The following SLC35F3 variants were observed in gnomAD, a reference collection of about 807,000 sequenced individuals.
The protein encoded by SLC35F3 is putative thiamine transporter SLC35F3.
In SLC35F3, 25 loss-of-function variants were observed where a neutral mutation model predicts 49.9. The observed-to-expected ratio is 0.50, with a 90% CI of 0.37 to 0.70. The LOEUF is 0.70. Among genes scored for constraint, SLC35F3 ranks in the 30% least tolerant of loss-of-function variants. The pLI is 0.00. For synonymous variants in SLC35F3, 275 were observed against 265.4 expected (o/e 1.04, Z -0.35); for missense variants, 525 against 639.8 (o/e 0.82, Z 1.94).
At chr1:234,156,789 A>C (rs1283770822) in intron 2 of SLC35F3, among the ~76,000 whole-genome samples, 10 of 152,212 alleles carry the variant, frequency 6.6e-5, no homozygotes, top group Admixed American at 5.9e-4. Flanking sequence ...ATAAAAAGAA[A>C]TGAAGTACCG....
chr1:234,123,842 G>A (rs375894776), intron 2 of SLC35F3, among the ~76,000 whole-genome samples: 1 of 152,168 alleles, frequency 6.6e-6, no homozygotes, highest in African/African-American at 2.4e-5. Context: ...CTGCAGCTCT[G>A]GGGACAAAGG....
rs888056126 is a variant in SLC35F3 at position 234,073,323 on chromosome 1, T to A, written c.284-158094T>A. On this transcript the variant is annotated intron_variant, in intron 2 of 7. Coordinates refer to ENST00000366618, the MANE Select transcript of SLC35F3 (RefSeq NM_173508.4). ...CAAGTCTGGCTAATTTAAAAAAAAA[T>A]TTTGTAGAGATGGGATCGCACTGTG... Among the ~76,000 whole-genome samples the A allele has an allele frequency of 1.2e-4, 18 of 151,874 alleles. No homozygotes were observed. In the East Asian group the frequency reaches 1.4e-3, roughly 11 times the overall value.
intron 2 of SLC35F3, among the ~76,000 whole-genome samples, chr1:234,163,265 C>T (rs1220054431): frequency 6.6e-6 from 1 of 152,212 alleles, no homozygotes; most frequent in Non-Finnish European, 1.5e-5. Flanking sequence ...TTAGTACCTT[C>T]CTTCTCTCGT....
At chr1:234,098,724 AG>A (rs1378294096) in intron 2 of SLC35F3, among the ~76,000 whole-genome samples, 2 of 92,076 alleles carry the variant, frequency 2.2e-5, no homozygotes, top group Non-Finnish European at 4.5e-5. Context: ...TTCAGATGGC[AG>A]TGGTAGTGAT....
intron 2 of SLC35F3, among the ~76,000 whole-genome samples, chr1:234,159,198 C>T (rs143941535): frequency 2.0e-5 from 3 of 152,216 alleles, no homozygotes; most frequent in African/African-American, 4.8e-5. Context: ...CCTAAACCCA[C>T]GCATGCCATT....
intron 5 of SLC35F3, among the ~76,000 whole-genome samples, chr1:234,317,930 G>A (rs1657529349): frequency 6.6e-6 from 1 of 152,224 alleles, no homozygotes; most frequent in Non-Finnish European, 1.5e-5. Context: ...CCTGCAACTT[G>A]TCCATGGGGA....
At chr1:234,193,390 C>G (rs1191793118) in intron 2 of SLC35F3, among the ~76,000 whole-genome samples, 1 of 152,048 alleles carries the variant, frequency 6.6e-6, no homozygotes, top group Non-Finnish European at 1.5e-5. Context: ...TGGCAAGCTG[C>G]ATATAGGAGG....
intron 2 of SLC35F3, among the ~76,000 whole-genome samples, chr1:234,184,488 T>C (rs1666605141): frequency 6.6e-6 from 1 of 152,222 alleles, no homozygotes; most frequent in Non-Finnish European, 1.5e-5. Flanking sequence ...GCTTATTTAA[T>C]GGGCAGGAAA....
At chr1:233,959,545 A>G (rs967453323) in intron 2 of SLC35F3, among the ~76,000 whole-genome samples, 3 of 152,224 alleles carry the variant, frequency 2.0e-5, no homozygotes, top group Non-Finnish European at 4.4e-5. Flanking sequence ...CACACCAGGA[A>G]ACTAATGGAA....
intron 2 of SLC35F3, among the ~76,000 whole-genome samples, chr1:234,037,375 G>C (rs1408386748): frequency 6.6e-6 from 1 of 152,136 alleles, no homozygotes; most frequent in Non-Finnish European, 1.5e-5. Context: ...CTATTCATGA[G>C]GGATCTGCCC....
intron 3 of SLC35F3, among the ~76,000 whole-genome samples, chr1:234,277,401 C>T (rs12049145): frequency 0.06 from 9,194 of 152,242 alleles, 331 homozygotes; most frequent in African/African-American, 0.099. Flanking sequence ...ACCAAACAGC[C>T]GTGTGCTATA....
At chr1:233,999,288 G>A (rs1283977075) in intron 2 of SLC35F3, among the ~76,000 whole-genome samples, 5 of 152,118 alleles carry the variant, frequency 3.3e-5, no homozygotes, top group South Asian at 4.1e-4. Flanking sequence ...GATCATTCAC[G>A]GCAGAGCTTC....
chr1:234,175,683 G>T (rs993985103), intron 2 of SLC35F3, among the ~76,000 whole-genome samples: 2 of 116,072 alleles, frequency 1.7e-5, no homozygotes, highest in African/African-American at 5.3e-5. Context: ...AAAAAAAAAA[G>T]GAAGAGAGTC....
intron 2 of SLC35F3, among the ~76,000 whole-genome samples, chr1:234,199,227 C>T (rs544540591): frequency 9.3e-5 from 14 of 150,946 alleles, no homozygotes; most frequent in Non-Finnish European, 1.6e-4. Flanking sequence ...GACCCTGTCT[C>T]GAAAAAAAGA....
chr1:234,296,772 G>C (rs762295606), intron 3 of SLC35F3, among the ~76,000 whole-genome samples: 1 of 152,196 alleles, frequency 6.6e-6, no homozygotes, highest in Non-Finnish European at 1.5e-5. Context: ...CTGTGGAGGA[G>C]GCTGTAAAAC....
chr1:234,316,595 T>C lies in SLC35F3; in HGVS notation c.829-7T>C. On this transcript the variant is annotated splice_polypyrimidine_tract_variant and splice_region_variant and intron_variant, in intron 4 of 7. Transcript: ENST00000366618. ...TCCCTGACCAGCATTTTCTTCCGTCTGTCCAGATTGTGGCCGCCATCCTCG... is the reference window on the plus strand; with the variant it reads ...TCCCTGACCAGCATTTTCTTCCGTCCGTCCAGATTGTGGCCGCCATCCTCG... 6.2e-7 allele frequency: 1 copy of C among 1,602,410 alleles called. No homozygotes were observed. Among genetic ancestry groups the C allele is most frequent in the Non-Finnish European group, 8.5e-7 (1 of 1,170,462 alleles).
At chr1:234,209,434 G>C (rs750951024) in intron 2 of SLC35F3, among the ~76,000 whole-genome samples, 100 of 152,172 alleles carry the variant, frequency 6.6e-4, no homozygotes, top group Non-Finnish European at 1.2e-3. Flanking sequence ...TTATACACCA[G>C]TACACCATTA....
chr1:233,954,444 G>C (rs918393785), intron 2 of SLC35F3, among the ~76,000 whole-genome samples: 1 of 152,170 alleles, frequency 6.6e-6, no homozygotes, highest in Non-Finnish European at 1.5e-5. Flanking sequence ...TAAGGAGGAG[G>C]TGTTACAAGG....
intron 2 of SLC35F3, among the ~76,000 whole-genome samples, chr1:234,229,482 G>A (rs1667335042): frequency 6.6e-6 from 1 of 152,166 alleles, no homozygotes; most frequent in Admixed American, 6.5e-5. Context: ...CATTGTAAAA[G>A]CTATGCAGCA....
Sources: gnomAD v4.1 joint callset for allele counts (sites outside exome capture counted in the v4.1 genomes callset) on GRCh38, gnomAD v4.1.1 for gene constraint, MANE v1.5 for transcripts, NCBI Gene and HGNC (gene_info 2026-07-23, HGNC 2026-07-21) for gene names.